The following ADD1 variants were observed in gnomAD, a reference collection of about 807,000 sequenced individuals.
ADD1 encodes adducin 1.
In ADD1, 24 loss-of-function variants were observed where a neutral mutation model predicts 80.5. The ratio of observed to expected loss-of-function variants is 0.30; its 90% CI spans 0.22 to 0.42. The LOEUF is 0.42. Among genes scored for constraint, ADD1 ranks in the 10% least tolerant of loss-of-function variants. ADD1 has a pLI of 1.00. For synonymous variants in ADD1, 373 were observed against 393.8 expected (o/e 0.95, Z 0.63); for missense variants, 948 against 1,019.0 (o/e 0.93, Z 0.95).
intron 4 of ADD1, among the ~76,000 whole-genome samples, chr4:2,885,310 C>G (rs1733068714): frequency 1.3e-5 from 2 of 152,138 alleles, no homozygotes; most frequent in Admixed American, 1.3e-4. Context: ...TGGAAGTCCT[C>G]CCACCAGAGC....
chr4:2,899,584 C>T, intron 9 of ADD1, 149 bp downstream of exon 9: 1 of 825,020 alleles, frequency 1.2e-6, no homozygotes, highest in East Asian at 2.7e-5. Flanking sequence ...GGTTGTTTAA[C>T]TTCTGAGGTA....
In ADD1 at chr4:2,899,320, A is replaced by G. The variant is rs752602627; in HGVS notation, c.1046A>G (p.Tyr349Cys). ...DNLVLLNPEKYKAKSRSPGSP... is the reference protein window; with the variant it reads ...DNLVLLNPEKCKAKSRSPGSP... ...TTAGTCCTGCTGAATCCTGAGAAGT[A>G]CAAAGCCAAGTCCCGTTCCCCAGGG... The change falls in exon 9 of 16, where the codon TAC becomes TGC. Residue 349 changes from tyrosine to cysteine, a missense_variant. Physicochemically the swap from Tyr to Cys is radical, Grantham distance 194 (BLOSUM62 -2). Coordinates refer to ENST00000683351, the MANE Select transcript of ADD1 (RefSeq NM_001354761.2). 1 of 1,614,234 alleles carries G rather than the reference A, an allele frequency of 6.2e-7. No individual in the cohort carries two copies. The highest frequency in any genetic ancestry group is 8.5e-7 in the Non-Finnish European group (1 of 1,180,046).
Position 2,928,993 on chromosome 4 carries a change from C to T in ADD1, c.*470C>T, listed in dbSNP as rs1164671466. Reference sequence around the variant, plus strand: ...CTCTGCTCAGTGATCTCACTTAAATCTATATACAAAGCCTTGGTCCCGTGA... The same window carrying T: ...CTCTGCTCAGTGATCTCACTTAAATTTATATACAAAGCCTTGGTCCCGTGA... On this transcript the variant is annotated 3_prime_UTR_variant, in exon 16 of 16. Coordinates refer to ENST00000683351, the MANE Select transcript of ADD1 (RefSeq NM_001354761.2). 2 of 169,244 alleles carry T rather than the reference C, an allele frequency of 1.2e-5. No homozygotes were observed. Among genetic ancestry groups the T allele is most frequent in the African/African-American group, 2.4e-5 (1 of 41,568 alleles). 10.5% of individuals were successfully genotyped at this position (169,244 alleles called of 1,614,324 possible).
intron 1 of ADD1, among the ~76,000 whole-genome samples, chr4:2,860,394 G>T (rs1433559209): frequency 6.6e-6 from 1 of 152,180 alleles, no homozygotes; most frequent in Non-Finnish European, 1.5e-5. Context: ...CTTGTGAGTG[G>T]CGAACTTGTG....
Position 2,904,835 on chromosome 4 carries a change from G to T in ADD1, c.1233G>T (p.Glu411Asp), listed in dbSNP as rs373803874. The change falls in exon 10 of 16, where the codon GAG (glutamate) becomes GAT (aspartate). Residue 411 changes from glutamate to aspartate, a missense_variant. Glu to Asp is a conservative substitution (Grantham distance 45, BLOSUM62 2). Coordinates refer to ENST00000683351, the MANE Select transcript of ADD1 (RefSeq NM_001354761.2). ...REKSKKYSDVEVPASVTGYSF... is the reference protein window; with the variant it reads ...REKSKKYSDVDVPASVTGYSF... ...AGTCTAAAAAATACAGCGATGTGGA[G>T]GTTCCTGCTAGTGTCACAGGTTACT... 1.9e-6 allele frequency: 3 copies of T among 1,614,056 alleles called. No individual in the cohort carries two copies. The highest frequency in any genetic ancestry group is 2.5e-6 in the Non-Finnish European group (3 of 1,180,042).
chr4:2,909,302 G>C, intron 12 of ADD1, 37 bp from the exon 13 acceptor site: 1 of 1,500,734 alleles, frequency 6.7e-7, no homozygotes, highest in Non-Finnish European at 9.1e-7. Context: ...CACAGGCTGG[G>C]CCTGGTGTGC....
intron 13 of ADD1, among the ~76,000 whole-genome samples, chr4:2,914,058 C>CA (rs775339952): frequency 0.023 from 2,754 of 120,468 alleles, 66 homozygotes; most frequent in African/African-American, 0.053. Flanking sequence ...GACTCCGTCT[C>CA]AAAAAAAAAA....
intron 5 of ADD1, among the ~76,000 whole-genome samples, chr4:2,894,322 T>C (rs1210488482): frequency 6.6e-6 from 1 of 151,968 alleles, no homozygotes; most frequent in Non-Finnish European, 1.5e-5. Flanking sequence ...TGGGGTGCAG[T>C]GGCTCATGCC....
At position 2,898,303 on chromosome 4, in the gene ADD1, GA is replaced by G; in HGVS notation, c.866del (p.Asn289IlefsTer53). The G allele has an allele frequency of 6.2e-7, 1 of 1,614,202 alleles. No individual in the cohort carries two copies. The highest frequency in any genetic ancestry group is 8.5e-7 in the Non-Finnish European group (1 of 1,180,034). Reference sequence around the variant, plus strand: ...ATGAAGAGGAAAAAGTTTTGATTCAGAAAAATCTGGGGCCTAAAAGCAAGGT... The same window carrying G: ...ATGAAGAGGAAAAAGTTTTGATTCAGAAAATCTGGGGCCTAAAAGCAAGGT... ...VDEEEKVLIQKNLGPKSKVLI... is the reference protein window; with the variant it reads ...VDEEEKVLIQXNLGPKSKVLI... On this transcript the variant is annotated frameshift_variant, in exon 7 of 16. Transcript: ENST00000683351. LOFTEE classifies it high-confidence loss of function.
intron 13 of ADD1, among the ~76,000 whole-genome samples, chr4:2,912,295 G>T (rs1288552145): frequency 6.6e-6 from 1 of 152,184 alleles, no homozygotes; most frequent in Non-Finnish European, 1.5e-5. Context: ...CTCAGTCATT[G>T]CTCTGTGTCC....
Position 2,899,345 on chromosome 4 carries a change from G to C in ADD1, c.1071G>C (p.Gly357=), listed in dbSNP as rs1307187585. The change falls in exon 9 of 16, where the codon GGG becomes GGC. Residue 357 remains glycine (G), a synonymous_variant. Transcript: ENST00000683351. The stretch of plus-strand genomic sequence containing the variant: ...ACAAAGCCAAGTCCCGTTCCCCAGG[G>C]TCTCCGGTAGGGGAAGGCACTGGAT... The part of the protein sequence containing the change: ...EKYKAKSRSP[G]SPVGEGTGSP... The C allele has an allele frequency of 1.2e-6, 2 of 1,614,196 alleles. No homozygotes were observed. Among genetic ancestry groups the C allele is most frequent in the Non-Finnish European group, 1.7e-6 (2 of 1,180,024 alleles).
intron 1 of ADD1, among the ~76,000 whole-genome samples, chr4:2,868,514 G>A (rs1227199640): frequency 2.6e-5 from 4 of 152,138 alleles, no homozygotes; most frequent in Admixed American, 1.3e-4. Flanking sequence ...ATTTCCTGAC[G>A]ATGCAGTTTC....
chr4:2,868,921 T>C (rs16843507), intron 1 of ADD1, among the ~76,000 whole-genome samples: 4,507 of 152,082 alleles, frequency 0.03, 210 homozygotes, highest in African/African-American at 0.1. Context: ...ATAGAGAGAA[T>C]AGTTAAATTA....
At position 2,905,053 on chromosome 4, in the gene ADD1, T is replaced by C. The variant is rs1347869324; in HGVS notation, c.1451T>C (p.Leu484Ser). Residue 484 changes from leucine to serine, a missense_variant, in exon 10 of 16, where the codon TTG becomes TCG. By Grantham distance (145) the Leu-to-Ser change is moderately radical (BLOSUM62 -2). Coordinates refer to ENST00000683351, the MANE Select transcript of ADD1 (RefSeq NM_001354761.2). Reference sequence around the variant, plus strand: ...ATTACACACGATCACGTGAAACCCTTGCTGCAGTCTCTCTCGTCCGGTGTC... The same window carrying C: ...ATTACACACGATCACGTGAAACCCTCGCTGCAGTCTCTCTCGTCCGGTGTC... ...TNITHDHVKP[L>S]LQSLSSGVCV... 8 of 1,614,068 alleles carry C rather than the reference T, an allele frequency of 5.0e-6. No individual in the cohort carries two copies. Among genetic ancestry groups the C allele is most frequent in the Non-Finnish European group, 6.8e-6 (8 of 1,180,050 alleles).
chr4:2,851,846 C>CTT (rs879278100), intron 1 of ADD1, among the ~76,000 whole-genome samples: 3 of 146,004 alleles, frequency 2.1e-5, no homozygotes, highest in Non-Finnish European at 4.6e-5. Context: ...AGTTTTTATT[C>CTT]TTTTTTTTTT....
rs573901216 is a variant in ADD1, at chr4:2,848,503, C to G, written c.-21+4479C>G. Among the ~76,000 whole-genome samples, 11 of 152,250 alleles carry G rather than the reference C, an allele frequency of 7.2e-5. 1 individual carries two copies. In the South Asian group the frequency reaches 2.1e-3, roughly 29 times the overall value. On this transcript the variant is annotated intron_variant, in intron 1 of 15. Transcript: ENST00000683351. ...ATTTTTTTTGAGACAGACTCTTGCTCTGTCACCTAGGCGGGAATATAGTGA... is the reference window on the plus strand; with the variant it reads ...ATTTTTTTTGAGACAGACTCTTGCTGTGTCACCTAGGCGGGAATATAGTGA...
At chr4:2,854,343 C>A (rs940427171) in intron 1 of ADD1, among the ~76,000 whole-genome samples, 11 of 152,054 alleles carry the variant, frequency 7.2e-5, no homozygotes, top group Admixed American at 1.3e-4. Flanking sequence ...AGCAAGCAAG[C>A]AAGAAAGAAA....
intron 1 of ADD1, among the ~76,000 whole-genome samples, chr4:2,865,764 T>C (rs903767004): frequency 1.3e-5 from 2 of 152,138 alleles, no homozygotes; most frequent in Non-Finnish European, 2.9e-5. Context: ...GAAAAAAAAT[T>C]TTGTTTCAAT....
At chr4:2,922,034 C>CT (rs1251382254) in intron 14 of ADD1, among the ~76,000 whole-genome samples, 1 of 151,882 alleles carries the variant, frequency 6.6e-6, no homozygotes, top group African/African-American at 2.4e-5. Context: ...GGCAATTCCT[C>CT]TAATCTTTTT....
Sources: gnomAD v4.1 joint callset for allele counts (sites outside exome capture counted in the v4.1 genomes callset) on GRCh38, gnomAD v4.1.1 for gene constraint, MANE v1.5 for transcripts, NCBI Gene and HGNC (gene_info 2026-07-23, HGNC 2026-07-21) for gene names.